The following FMNL2 variants were observed in gnomAD, a reference collection of about 807,000 sequenced individuals.
FMNL2 encodes formin like 2.
In FMNL2, 51 loss-of-function variants were observed where a neutral mutation model predicts 130.2. That is an observed-to-expected ratio of 0.39 (90% CI 0.31 to 0.49). FMNL2 has a LOEUF of 0.49. Ranked by LOEUF, FMNL2 falls within the 20% of genes least tolerant of loss-of-function variation. FMNL2 has a pLI of 0.85. For missense variants in FMNL2, 977 were observed against 1,316.2 expected (o/e 0.74, Z 3.99); for synonymous variants, 465 against 467.1 (o/e 1.00, Z 0.06).
intron 4 of FMNL2, among the ~76,000 whole-genome samples, chr2:152,556,326 G>A (rs1376903943): frequency 6.6e-6 from 1 of 152,152 alleles, no homozygotes; most frequent in South Asian, 2.1e-4. Context: ...GGAGGATCTT[G>A]TAGCTTTGAA....
intron 22 of FMNL2, among the ~76,000 whole-genome samples, chr2:152,636,925 G>A (rs1682662156): frequency 6.6e-6 from 1 of 152,174 alleles, no homozygotes; most frequent in Admixed American, 6.5e-5. Flanking sequence ...TGTGTAGTGG[G>A]TTTCTGTAGA....
intron 25 of FMNL2, 47 bp from the exon 26 acceptor site, chr2:152,647,749 T>G (rs766576415): frequency 1.3e-6 from 2 of 1,576,764 alleles, no homozygotes; most frequent in Non-Finnish European, 1.7e-6. Context: ...CTTAGACACA[T>G]GCTATTAAAG....
At chr2:152,464,252 T>C (rs1315633181) in intron 1 of FMNL2, among the ~76,000 whole-genome samples, 2 of 152,180 alleles carry the variant, frequency 1.3e-5, no homozygotes, top group Non-Finnish European at 2.9e-5. Context: ...CCACTGATGG[T>C]TAATTTTCAA....
intron 1 of FMNL2, among the ~76,000 whole-genome samples, chr2:152,419,502 T>A (rs1686794872): frequency 6.6e-6 from 1 of 151,996 alleles, no homozygotes; most frequent in Non-Finnish European, 1.5e-5. Flanking sequence ...ACAATCGAAT[T>A]CATAGAGGCA....
chr2:152,524,458 T>A (rs1321174786), intron 2 of FMNL2, among the ~76,000 whole-genome samples: 1 of 152,154 alleles, frequency 6.6e-6, no homozygotes, highest in East Asian at 1.9e-4. Context: ...GTGCTGGATT[T>A]TGGGTGCAGT....
At chr2:152,419,363 G>A (rs939803883) in intron 1 of FMNL2, among the ~76,000 whole-genome samples, 4 of 152,126 alleles carry the variant, frequency 2.6e-5, no homozygotes, top group African/African-American at 9.7e-5. Flanking sequence ...TTACCATGCT[G>A]TGGAATAGCC....
At chr2:152,390,038 C>A (rs1286239152) in intron 1 of FMNL2, 2 of 1,578,680 alleles carry the variant, frequency 1.3e-6, no homozygotes, top group Non-Finnish European at 1.7e-6. Context: ...ATCATGAGGC[C>A]CAGCTCAAGA....
At chr2:152,436,351 G>A (rs1687763642) in intron 1 of FMNL2, among the ~76,000 whole-genome samples, 2 of 152,100 alleles carry the variant, frequency 1.3e-5, no homozygotes, top group Middle Eastern at 6.8e-3. Context: ...GTCTCACTAT[G>A]CTGCCCAGGT....
intron 21 of FMNL2, among the ~76,000 whole-genome samples, chr2:152,634,799 C>T (rs1405612688): frequency 3.3e-5 from 5 of 152,142 alleles, no homozygotes; most frequent in South Asian, 2.1e-4. Flanking sequence ...TAGCTACAGG[C>T]GTTGCTGTTT....
intron 1 of FMNL2, among the ~76,000 whole-genome samples, chr2:152,517,939 G>C (rs1375497737): frequency 6.6e-6 from 1 of 152,210 alleles, no homozygotes; most frequent in Non-Finnish European, 1.5e-5. Context: ...GGGTGAGGTA[G>C]AGTTGTCACC....
chr2:152,440,115 TTTA>T (rs1687978948), intron 1 of FMNL2, among the ~76,000 whole-genome samples: 3 of 151,986 alleles, frequency 2.0e-5, no homozygotes, highest in Admixed American at 2.0e-4. Context: ...TTACTGCATG[TTTA>T]TTATTATTTT....
At chr2:152,533,403 A>G (rs1425969279) in intron 2 of FMNL2, among the ~76,000 whole-genome samples, 1 of 152,026 alleles carries the variant, frequency 6.6e-6, no homozygotes, top group African/African-American at 2.4e-5. Flanking sequence ...CTACCTTGGT[A>G]TCTTTGAAAA....
intron 6 of FMNL2, among the ~76,000 whole-genome samples, chr2:152,561,253 T>C (rs1695506465): frequency 6.6e-6 from 1 of 152,180 alleles, no homozygotes. Context: ...ATACCTTGAT[T>C]CAGCATAGAA....
At chr2:152,540,563 C>G (rs1012216608) in intron 2 of FMNL2, among the ~76,000 whole-genome samples, 4 of 151,720 alleles carry the variant, frequency 2.6e-5, no homozygotes, top group Non-Finnish European at 4.4e-5. Context: ...ACAAACCATT[C>G]CCCCTATTTT....
At chr2:152,355,340 A>G (rs760969333) in intron 1 of FMNL2, among the ~76,000 whole-genome samples, 1 of 152,230 alleles carries the variant, frequency 6.6e-6, no homozygotes, top group Non-Finnish European at 1.5e-5. Context: ...CAAGAAAACC[A>G]CTGCTTTATT....
At chr2:152,570,900 A>G (rs1696135280) in intron 6 of FMNL2, among the ~76,000 whole-genome samples, 3 of 152,258 alleles carry the variant, frequency 2.0e-5, no homozygotes. Flanking sequence ...TGATAAGAAA[A>G]CTGGCAAAAA....
At chr2:152,477,484 T>G (rs1297170095) in intron 1 of FMNL2, among the ~76,000 whole-genome samples, 1 of 152,190 alleles carries the variant, frequency 6.6e-6, no homozygotes, top group African/African-American at 2.4e-5. Flanking sequence ...CCAAACTTGT[T>G]TCTTCTTCCT....
intron 10 of FMNL2, among the ~76,000 whole-genome samples, chr2:152,608,414 GCGT>G (rs1698502343): frequency 7.1e-6 from 1 of 141,164 alleles, no homozygotes; most frequent in South Asian, 2.3e-4. Flanking sequence ...AGTTTTATAT[GCGT>G]CTTAGCCCTC....
chr2:152,594,645 C>T (rs1435240832), intron 9 of FMNL2, among the ~76,000 whole-genome samples: 2 of 152,146 alleles, frequency 1.3e-5, no homozygotes, highest in Non-Finnish European at 2.9e-5. Context: ...AAGAAGCATC[C>T]CTGGCTTGTG....
Sources: allele counts gnomAD v4.1 joint callset (sites outside exome capture counted in the v4.1 genomes callset), GRCh38; gene constraint gnomAD v4.1.1; transcripts MANE v1.5; gene names NCBI Gene and HGNC (gene_info 2026-07-23, HGNC 2026-07-21).